The following CAPSL variants were observed in gnomAD, a reference collection of about 807,000 sequenced individuals.
CAPSL encodes the protein calcyphosin-like protein.
A neutral mutation model predicts 21.3 loss-of-function variants in CAPSL; 17 were observed. That is an observed-to-expected ratio of 0.80 (90% CI 0.55 to 1.20). The LOEUF is 1.20. CAPSL is among the 50% of genes most tolerant of loss of function. CAPSL has a pLI of 0.00. For missense variants in CAPSL, 289 were observed against 259.3 expected (o/e 1.11, Z -0.79); for synonymous variants, 102 against 89.3 (o/e 1.14, Z -0.80).
At chr5:35,927,055 C>A (rs1738702875) in intron 1 of CAPSL, among the ~76,000 whole-genome samples, 1 of 151,576 alleles carries the variant, frequency 6.6e-6, no homozygotes, top group Non-Finnish European at 1.5e-5. Context: ...ATGACAGAGG[C>A]GAGATGTGCT....
At chr5:35,909,700 T>C (rs1181608308) in intron 4 of CAPSL, 166 bp downstream of exon 4, 2 of 625,504 alleles carry the variant, frequency 3.2e-6, no homozygotes, top group African/African-American at 1.8e-5. Flanking sequence ...CATGAAGGTT[T>C]CCCCTGGCAA....
Position 35,913,122 on chromosome 5 carries a change from A to G in CAPSL, c.138-2579T>C, listed in dbSNP as rs560673327. 7.2e-5 allele frequency among the ~76,000 whole-genome samples: 11 copies of G among 152,368 alleles called. No individual in the cohort carries two copies. In the East Asian group the frequency reaches 2.1e-3, roughly 29 times the overall value. ...AAAGGGTATCAGTGATGGAAGATCA[A>G]ATGAATGAAATGAAGTGAGAAGAGA... On this transcript the variant is annotated intron_variant, in intron 2 of 4. Transcript: ENST00000651391.
intron 2 of CAPSL, among the ~76,000 whole-genome samples, chr5:35,913,183 C>T (rs1418422899): frequency 3.3e-5 from 5 of 152,202 alleles, no homozygotes; most frequent in East Asian, 1.9e-4. Context: ...AAATGAACAA[C>T]GCCTCCAAGA....
chr5:35,928,170 G>A (rs564313376), intron 1 of CAPSL, among the ~76,000 whole-genome samples: 34 of 152,264 alleles, frequency 2.2e-4, no homozygotes, highest in African/African-American at 7.9e-4. Context: ...GCAAAAAAGG[G>A]CTCAATAATT....
At position 35,921,017 on chromosome 5, in the gene CAPSL, G is replaced by A; in HGVS notation, c.104C>T (p.Ala35Val). The A allele has an allele frequency of 1.9e-6, 3 of 1,614,034 alleles. No individual in the cohort carries two copies. Among genetic ancestry groups the A allele is most frequent in the South Asian group, 1.1e-5 (1 of 91,054 alleles). The part of the protein sequence containing the change: ...PIERLRLQCL[A>V]RGSAGIKGLG... ...TCCTTTGATCCCAGCAGAGCCCCTG[G>A]CCAGGCACTGCAGTCGGAGTCTTTC... The change falls in exon 2 of 5, where the codon GCC becomes GTC. Residue 35 changes from alanine to valine, a missense_variant. By Grantham distance (64) the Ala-to-Val change is moderately conservative. Transcript: ENST00000651391.
chr5:35,929,793 C>T (rs1176467671), intron 1 of CAPSL, among the ~76,000 whole-genome samples: 3 of 152,162 alleles, frequency 2.0e-5, no homozygotes, highest in Admixed American at 6.5e-5. Context: ...ATCTGGGCCA[C>T]TCACAGTCCC....
Position 35,921,024 on chromosome 5 carries a change from AC to A in CAPSL, c.96del (p.Gln32HisfsTer34). On this transcript the variant is annotated frameshift_variant, in exon 2 of 5. Transcript: ENST00000651391. LOFTEE classifies it high-confidence loss of function. ...ATCCCAGCAGAGCCCCTGGCCAGGCACTGCAGTCGGAGTCTTTCAATGGGGT... is the reference window on the plus strand; with the variant it reads ...ATCCCAGCAGAGCCCCTGGCCAGGCATGCAGTCGGAGTCTTTCAATGGGGT... ...ATDPIERLRL[Q>X]CLARGSAGIK... 6.2e-7 allele frequency: 1 copy of A among 1,613,682 alleles called. No homozygotes were observed.
intron 2 of CAPSL, among the ~76,000 whole-genome samples, chr5:35,918,032 T>A (rs192038537): frequency 2.4e-4 from 36 of 152,294 alleles, no homozygotes; most frequent in African/African-American, 8.7e-4. Flanking sequence ...GTTCAACCAT[T>A]GTGAAAGACA....
intron 1 of CAPSL, among the ~76,000 whole-genome samples, chr5:35,937,081 C>G (rs1738967869): frequency 6.6e-6 from 1 of 152,204 alleles, no homozygotes; most frequent in South Asian, 2.1e-4. Flanking sequence ...TCCCGCATTT[C>G]CATTCCCTCA....
chr5:35,910,133 A>T (rs1738176717), intron 3 of CAPSL, 58 bp from the exon 4 acceptor site: 1 of 1,389,500 alleles, frequency 7.2e-7, no homozygotes, highest in African/African-American at 1.4e-5. Flanking sequence ...CTTTTTTGGT[A>T]TCCTATGTGA....
intron 1 of CAPSL, among the ~76,000 whole-genome samples, chr5:35,929,239 C>T (rs555821614): frequency 9.9e-5 from 15 of 150,804 alleles, no homozygotes; most frequent in African/African-American, 2.4e-4. Context: ...TCTGAGAATG[C>T]GCTACCAGGG....
chr5:35,915,580 C>G (rs1240678220), intron 2 of CAPSL, among the ~76,000 whole-genome samples: 4 of 152,242 alleles, frequency 2.6e-5, no homozygotes, highest in Admixed American at 2.6e-4. Flanking sequence ...AAATGTAATC[C>G]AGCATATAAA....
At chr5:35,925,503 G>A (rs1162191337) in intron 1 of CAPSL, among the ~76,000 whole-genome samples, 1 of 152,118 alleles carries the variant, frequency 6.6e-6, no homozygotes, top group Non-Finnish European at 1.5e-5. Flanking sequence ...GGTGGCAGGG[G>A]GAGATGAACA....
intron 2 of CAPSL, among the ~76,000 whole-genome samples, chr5:35,912,193 C>T (rs183720006): frequency 6.9e-4 from 105 of 152,258 alleles, no homozygotes; most frequent in Admixed American, 1.7e-3. Flanking sequence ...AGGCTTGAGA[C>T]GGTAAACAAA....
At chr5:35,926,737 G>A (rs1456550654) in intron 1 of CAPSL, among the ~76,000 whole-genome samples, 16 of 152,140 alleles carry the variant, frequency 1.1e-4, no homozygotes, top group Non-Finnish European at 2.4e-4. Flanking sequence ...GGATCTTATT[G>A]CTAAAGAGGC....
chr5:35,930,113 A>G (rs1430174094), intron 1 of CAPSL, among the ~76,000 whole-genome samples: 1 of 152,228 alleles, frequency 6.6e-6, no homozygotes, highest in African/African-American at 2.4e-5. Flanking sequence ...CACATACCAC[A>G]TAAAGTATGA....
At chr5:35,912,429 C>T (rs571625628) in intron 2 of CAPSL, among the ~76,000 whole-genome samples, 3 of 152,298 alleles carry the variant, frequency 2.0e-5, no homozygotes, top group South Asian at 2.1e-4. Context: ...GGGTCCCTGA[C>T]CCCCGAGTAG....
Position 35,904,587 on chromosome 5 carries a change from A to T in CAPSL, c.585T>A (p.Asp195Glu). Residue 195 changes from aspartate to glutamate, a missense_variant, in exon 5 of 5, where the codon GAT (aspartate) becomes GAA (glutamate). Physicochemically the swap from Asp to Glu is conservative, Grantham distance 45. Coordinates refer to ENST00000651391, the MANE Select transcript of CAPSL (RefSeq NM_001042625.2). Reference protein sequence around the residue: ...YAGVSASIDTDVYFIIMMRTA... With the variant: ...YAGVSASIDTEVYFIIMMRTA... Reference sequence around the variant, plus strand: ...TTCTCATCATGATGATGAAGTACACATCAGTGTCAATGGATGCGCTCACAC... The same window carrying T: ...TTCTCATCATGATGATGAAGTACACTTCAGTGTCAATGGATGCGCTCACAC... The T allele has an allele frequency of 6.2e-7, 1 of 1,613,910 alleles. No homozygotes were observed. Among genetic ancestry groups the T allele is most frequent in the Non-Finnish European group, 8.5e-7 (1 of 1,179,962 alleles).
At chr5:35,914,687 A>C (rs1288834175) in intron 2 of CAPSL, among the ~76,000 whole-genome samples, 4 of 152,180 alleles carry the variant, frequency 2.6e-5, no homozygotes, top group African/African-American at 9.7e-5. Context: ...ACATACCAGA[A>C]TCTCTGGGAC....
Sources: gnomAD v4.1 joint callset for allele counts (sites outside exome capture counted in the v4.1 genomes callset) on GRCh38, gnomAD v4.1.1 for gene constraint, MANE v1.5 for transcripts, NCBI Gene and HGNC (gene_info 2026-07-23, HGNC 2026-07-21) for gene names.